The following ADPRH variants were observed in gnomAD, a reference collection of about 807,000 sequenced individuals.
ADPRH encodes ADP-ribosylarginine hydrolase.
Under a neutral mutation model 28.8 loss-of-function variants are expected in ADPRH, and 27 were observed. That is an observed-to-expected ratio of 0.94 (90% CI 0.69 to 1.29). ADPRH has a LOEUF of 1.29. Among genes scored for constraint, ADPRH ranks in the 50% most tolerant of loss-of-function variants. The probability of loss-of-function intolerance (pLI) is 0.00; values close to 1 mark genes in which losing one functional copy is unlikely to be tolerated. For synonymous variants in ADPRH, 161 were observed against 166.9 expected, an observed-to-expected ratio of 0.96 and a Z score of 0.27; for missense variants, 419 against 444.8, an observed-to-expected ratio of 0.94 and a Z score of 0.52.
rs1189408271 is a variant in ADPRH, at chr3:119,589,558, T to C, written c.*1680T>C. 5 of 152,000 alleles carry C rather than the reference T, an allele frequency of 3.3e-5. No homozygotes were observed. Among genetic ancestry groups the C allele is most frequent in the Non-Finnish European group, 7.4e-5 (5 of 68,000 alleles). 9.4% of individuals were successfully genotyped at this position (152,000 alleles called of 1,614,324 possible). A position where few individuals can be genotyped will look rare whatever the true frequency, so the allele number is the denominator to read the frequency against. ...CTTTTTAGAACGTGGTGGAGGAGGGTTGTGTGTGCCCCAGGGGGTCGGGGG... is the reference window on the plus strand; with the variant it reads ...CTTTTTAGAACGTGGTGGAGGAGGGCTGTGTGTGCCCCAGGGGGTCGGGGG... On this transcript the variant is annotated 3_prime_UTR_variant, in exon 5 of 5. Coordinates refer to ENST00000357003, the MANE Select transcript of ADPRH (RefSeq NM_001125.4).
chr3:119,584,880 C>T (rs190676479), intron 3 of ADPRH, among the ~76,000 whole-genome samples: 14 of 152,332 alleles, frequency 9.2e-5, no homozygotes, highest in Non-Finnish European at 1.6e-4. Context: ...GCTGTGTCCT[C>T]ACATGGTCTT....
chr3:119,586,211 TTTAG>T, intron 3 of ADPRH, 70 bp from the exon 4 acceptor site: 1 of 1,573,776 alleles, frequency 6.4e-7, no homozygotes, highest in Non-Finnish European at 8.6e-7. Context: ...GGAGACAGAG[TTTAG>T]TTATTTATTC....
chr3:119,580,077 G>T (rs1395177999), intron 1 of ADPRH: 1 of 152,296 alleles, frequency 6.6e-6, no homozygotes, highest in Non-Finnish European at 1.5e-5. Context: ...GAGGAGTTAA[G>T]TAATTACAGC....
At chr3:119,582,071 G>GTGGTTTTTTT in intron 2 of ADPRH, 63 bp from the exon 3 acceptor site, 1 of 1,268,986 alleles carries the variant, frequency 7.9e-7, no homozygotes. Flanking sequence ...AGCTAGAGTC[G>GTGGTTTTTTT]TTGTTTTTTC....
At chr3:119,584,085 A>C (rs1032070124) in intron 3 of ADPRH, among the ~76,000 whole-genome samples, 17 of 151,942 alleles carry the variant, frequency 1.1e-4, no homozygotes, top group South Asian at 6.2e-4. Flanking sequence ...GCCAAAAAAA[A>C]ACTTTTTTTT....
At chr3:119,587,254 T>C (rs889447019) in intron 4 of ADPRH, among the ~76,000 whole-genome samples, 3 of 152,266 alleles carry the variant, frequency 2.0e-5, no homozygotes, top group African/African-American at 4.8e-5. Context: ...ACAGGATCAA[T>C]GCCTTATTTA....
chr3:119,581,107 G>A (rs1215019779), intron 2 of ADPRH, among the ~76,000 whole-genome samples: 3 of 133,556 alleles, frequency 2.2e-5, no homozygotes, highest in South Asian at 2.3e-4. Flanking sequence ...TTGGTCTGTC[G>A]CCCAGGCTGG....
intron 4 of ADPRH, 133 bp from the exon 5 acceptor site, chr3:119,587,331 T>C: frequency 1.7e-6 from 1 of 579,024 alleles, no homozygotes; most frequent in Non-Finnish European, 2.8e-6. Context: ...GATGTTTAAA[T>C]AGTTTATGAT....
chr3:119,583,919 A>G (rs757281073), intron 3 of ADPRH, among the ~76,000 whole-genome samples: 19 of 151,966 alleles, frequency 1.3e-4, no homozygotes, highest in Non-Finnish European at 2.1e-4. Flanking sequence ...CTGGGATTAC[A>G]GGCACGCACC....
chr3:119,585,983 T>C (rs1427245440), intron 3 of ADPRH, among the ~76,000 whole-genome samples: 2 of 152,252 alleles, frequency 1.3e-5, no homozygotes, highest in Admixed American at 1.3e-4. Flanking sequence ...GCTTATTTAC[T>C]TAAAAAAGAG....
In ADPRH at chr3:119,582,306, T is replaced by A. The variant is rs760723379; in HGVS notation, c.137T>A (p.Leu46Gln). Residue 46 changes from leucine (L) to glutamine (Q), a missense_variant, in exon 3 of 5, where the codon CTA (leucine) becomes CAA (glutamine). By Grantham distance (113) the Leu-to-Gln change is moderately radical (BLOSUM62 -2). Transcript: ENST00000357003. ...QLAQLGGLDA[L>Q]DVGRWRVSDD... Reference sequence around the variant, plus strand: ...GCCCAGCTGGGCGGCTTGGATGCCCTAGACGTGGGAAGGTGGAGAGTTAGT... The same window carrying A: ...GCCCAGCTGGGCGGCTTGGATGCCCAAGACGTGGGAAGGTGGAGAGTTAGT... 1.9e-6 allele frequency: 3 copies of A among 1,614,162 alleles called. No homozygotes were observed. The highest frequency in any genetic ancestry group is 2.5e-6 in the Non-Finnish European group (3 of 1,180,032).
Position 119,582,239 on chromosome 3 carries a change from T to C in ADPRH, c.70T>C (p.Trp24Arg). 1 of 1,614,164 alleles carries C rather than the reference T, an allele frequency of 6.2e-7. No homozygotes were observed. Among genetic ancestry groups the C allele is most frequent in the Non-Finnish European group, 8.5e-7 (1 of 1,180,026 alleles). The change falls in exon 3 of 5, where the codon TGG becomes CGG. Residue 24 changes from tryptophan to arginine, a missense_variant. Physicochemically the swap from Trp to Arg is moderately radical, Grantham distance 101. Coordinates refer to ENST00000357003, the MANE Select transcript of ADPRH (RefSeq NM_001125.4). ...TGCCCTGGGGTACTACAATGGGAAG[T>C]GGGAGTTCCTCCAGGATGGGGAGAA... ...GDALGYYNGK[W>R]EFLQDGEKIH...
intron 2 of ADPRH, among the ~76,000 whole-genome samples, chr3:119,581,348 G>A (rs1047533167): frequency 4.6e-5 from 7 of 152,274 alleles, no homozygotes; most frequent in South Asian, 4.1e-4. Flanking sequence ...GATTACAGGC[G>A]TGAGCCACCG....
In ADPRH at chr3:119,579,585, C is replaced by G. The variant is rs1560065608; in HGVS notation, c.-389C>G. 1 of 152,308 alleles carries G rather than the reference C, an allele frequency of 6.6e-6. No homozygotes were observed. Among genetic ancestry groups the G allele is most frequent in the Non-Finnish European group, 1.5e-5 (1 of 68,084 alleles). The allele number at this position is 152,308 out of a possible 1,614,324, so 9.4% of individuals were successfully genotyped here. A position where few individuals can be genotyped will look rare whatever the true frequency, so the allele number is the denominator to read the frequency against. On this transcript the variant is annotated 5_prime_UTR_variant, in exon 1 of 5. Transcript: ENST00000357003. Reference sequence around the variant, plus strand: ...CATTTGGGGCGGGCGACGGAGGTCCCGTCCACTCTCGCTTGGGTGCAGAAG... The same window carrying G: ...CATTTGGGGCGGGCGACGGAGGTCCGGTCCACTCTCGCTTGGGTGCAGAAG...
At chr3:119,584,922 G>A (rs2082443790) in intron 3 of ADPRH, among the ~76,000 whole-genome samples, 1 of 152,112 alleles carries the variant, frequency 6.6e-6, no homozygotes. Context: ...TGGTGTTTCT[G>A]TGTGTTTGCA....
Position 119,588,195 on chromosome 3 carries a change from A to C in ADPRH, c.*317A>C, listed in dbSNP as rs1418776736. The C allele has an allele frequency of 1.5e-5, 3 of 206,882 alleles. No individual in the cohort carries two copies. Among genetic ancestry groups the C allele is most frequent in the African/African-American group, 6.9e-5 (3 of 43,578 alleles). The allele number at this position is 206,882 out of a possible 1,614,324, so 12.8% of individuals were successfully genotyped here. A position where few individuals can be genotyped will look rare whatever the true frequency, so the allele number is the denominator to read the frequency against. Reference sequence around the variant, plus strand: ...TCTAAAAGTTTTTTCTGTTTGTCTCAAGTTGGGTTCCCACAAAGTGGACTT... The same window carrying C: ...TCTAAAAGTTTTTTCTGTTTGTCTCCAGTTGGGTTCCCACAAAGTGGACTT... On this transcript the variant is annotated 3_prime_UTR_variant, in exon 5 of 5. Transcript: ENST00000357003.
In ADPRH at chr3:119,587,672, AAGG is replaced by A. The variant is rs1341774314; in HGVS notation, c.871_873del (p.Glu291del). 2 of 1,613,952 alleles carry A rather than the reference AAGG, an allele frequency of 1.2e-6. No individual in the cohort carries two copies. Among genetic ancestry groups the A allele is most frequent in the Non-Finnish European group, 1.7e-6 (2 of 1,180,012 alleles). On this transcript the variant is annotated inframe_deletion, in exon 5 of 5. Transcript: ENST00000357003. ...TGTTCTTGCTGCAGGAGACTCCTGG[AAGG>A]AGCTTGCCCACCGAGCCTTTTTCCA...
At chr3:119,584,422 G>T (rs2082439227) in intron 3 of ADPRH, among the ~76,000 whole-genome samples, 1 of 152,060 alleles carries the variant, frequency 6.6e-6, no homozygotes, top group African/African-American at 2.4e-5. Flanking sequence ...AATTAGCTGG[G>T]TGTGATGGTG....
chr3:119,581,064 C>CCT (rs758319544), intron 2 of ADPRH, among the ~76,000 whole-genome samples: 1 of 120,242 alleles, frequency 8.3e-6, no homozygotes, highest in Non-Finnish European at 1.7e-5. Flanking sequence ...ACTCTAAGAA[C>CCT]TTTTTTTTTT....
Sources: allele counts gnomAD v4.1 joint callset (sites outside exome capture counted in the v4.1 genomes callset), GRCh38; gene constraint gnomAD v4.1.1; transcripts MANE v1.5; gene names NCBI Gene and HGNC (gene_info 2026-07-23, HGNC 2026-07-21).